Variants in KRT83 observed in about 807,000 individuals in gnomAD.
KRT83 encodes keratin 83, also known as keratin, type II cuticular Hb3.
A neutral mutation model predicts 52.9 loss-of-function variants in KRT83; 51 were observed. The ratio of observed to expected loss-of-function variants is 0.96; its 90% confidence interval spans 0.77 to 1.22. The LOEUF (loss-of-function observed/expected upper bound fraction) is 1.22, where lower values mean the gene tolerates loss of function less well. KRT83 is among the 50% of genes most tolerant of loss of function. The pLI is 0.00. For synonymous variants in KRT83, 278 were observed against 274.1 expected (o/e 1.01, Z -0.14); for missense variants, 654 against 666.5 (o/e 0.98, Z 0.21).
In KRT83 at chr12:52,314,386, C is replaced by A; in HGVS notation, c.*245G>T. 1.7e-6 allele frequency: 1 copy of A among 582,328 alleles called. No individual in the cohort carries two copies. Among genetic ancestry groups the A allele is most frequent in the Middle Eastern group, 4.7e-4 (1 of 2,134 alleles). 36.1% of individuals were successfully genotyped at this position (582,328 alleles called of 1,614,324 possible). A position where few individuals can be genotyped will look rare whatever the true frequency, so the allele number is the denominator to read the frequency against. ...TCTCACAGTGCTTCTTCCAGGGAAG[C>A]AAGGCCCTTCTCCCCGGGAGGGGCT... On this transcript the variant is annotated 3_prime_UTR_variant, in exon 9 of 9. Coordinates refer to ENST00000293670, the MANE Select transcript of KRT83 (RefSeq NM_002282.3).
At chr12:52,320,825 T>A in intron 1 of KRT83, 127 bp downstream of exon 1, 1 of 1,580,008 alleles carries the variant, frequency 6.3e-7, no homozygotes, top group Admixed American at 1.7e-5. Context: ...GAAGTATGAC[T>A]ACCTTTCCCT....
chr12:52,320,999 CCTT>C lies in KRT83; in HGVS notation c.334_336del (p.Lys112del), dbSNP rs1565756685. On this transcript the variant is annotated inframe_deletion, in exon 1 of 9. Transcript: ENST00000293670. The stretch of plus-strand genomic sequence containing the variant: ...CTGCTGTTGAGGGACTTGATCTGCT[CCTT>C]CTCCTCCTGCTTCACGCACTGCGCG... 1.2e-6 allele frequency: 2 copies of C among 1,613,648 alleles called. No homozygotes were observed. The highest frequency in any genetic ancestry group is 1.7e-6 in the Non-Finnish European group (2 of 1,179,882).
intron 6 of KRT83, 113 bp downstream of exon 6, chr12:52,316,355 T>G (rs2121339526): frequency 6.8e-7 from 1 of 1,472,638 alleles, no homozygotes; most frequent in East Asian, 2.3e-5. Flanking sequence ...CATCTTACTC[T>G]GTCACCCATG....
rs2857672 is a variant in KRT83, at chr12:52,314,493, G to A, written c.*138C>T. 299,442 of 813,116 alleles carry A rather than the reference G, an allele frequency of 0.37. 56,954 individuals carry two copies. The highest frequency in any genetic ancestry group is 0.47 in the African/African-American group (27,567 of 58,772). The allele number at this position is 813,116 out of a possible 1,614,324, so 50.4% of individuals were successfully genotyped here. A position where few individuals can be genotyped will look rare whatever the true frequency, so the allele number is the denominator to read the frequency against. On this transcript the variant is annotated 3_prime_UTR_variant, in exon 9 of 9. Transcript: ENST00000293670. ...GTGGGATGAAAGGTGGGGAGGAGCC[G>A]CTGGTGGGAATGAGCCGATGGTGTA... is the stretch of plus-strand genomic sequence containing the variant.
intron 2 of KRT83, 93 bp from the exon 3 acceptor site, chr12:52,318,063 C>G (rs1938714316): frequency 2.6e-6 from 3 of 1,153,474 alleles, no homozygotes; most frequent in Non-Finnish European, 3.9e-6. Context: ...CTAGACCTCC[C>G]CCTGCTTGTC....
rs778313644 is a variant in KRT83, at chr12:52,316,898, G to C, written c.876C>G (p.Thr292=). 3 of 1,614,136 alleles carry C rather than the reference G, an allele frequency of 1.9e-6. No individual in the cohort carries two copies. The Admixed American group carries it at 5.0e-5, about 27-fold the overall frequency. The change falls in exon 5 of 9, where the codon ACC becomes ACG. Residue 292 remains threonine, a synonymous_variant. Coordinates refer to ENST00000293670, the MANE Select transcript of KRT83 (RefSeq NM_002282.3). ...EIKAQYDDIA[T]RSRAEAESWY... is the part of the protein sequence containing the mutation. ...AGGACTCGGCCTCAGCCCGGCTACG[G>C]GTGGCAATGTCATCATACTGTGCCT...
Position 52,314,733 on chromosome 12 carries a change from G to A in KRT83, c.1380C>T (p.Ala460=), listed in dbSNP as rs145323146. The A allele has an allele frequency of 1.2e-4, 197 of 1,594,028 alleles. No individual in the cohort carries two copies. The African/African-American group carries it at 2.1e-3, about 17-fold the overall frequency. The change falls in exon 9 of 9, where the codon GCC becomes GCT. Residue 460 remains alanine, a synonymous_variant. Transcript: ENST00000293670. ...TCACCACCAGGTTCCCGTTGCAGGG[G>A]GCACTGCAGACGCTGCCCGTCACCG... ...SRPVTGSVCS[A]PCNGNLVVST... is the part of the protein sequence containing the mutation.
intron 8 of KRT83, 74 bp from the exon 9 acceptor site, chr12:52,314,892 C>T: frequency 7.1e-7 from 1 of 1,409,650 alleles, no homozygotes; most frequent in Non-Finnish European, 9.8e-7. Flanking sequence ...TTTGGTCTGT[C>T]TGATGTGTCG....
rs534990362 is a variant in KRT83, at chr12:52,316,587, C to T, written c.922G>A (p.Glu308Lys). Residue 308 changes from glutamate to lysine, a missense_variant, in exon 6 of 9, where the codon GAG becomes AAG. Coordinates refer to ENST00000293670, the MANE Select transcript of KRT83 (RefSeq NM_002282.3). ...TGCCTGATCACTGTGGCCTTCATCT[C>T]CTCACACTGCAGGAAGCAGAGATGT... ...AESWYRSKCEEMKATVIRHGE... is the reference protein window; with the variant it reads ...AESWYRSKCEKMKATVIRHGE... 1 of 1,614,170 alleles carries T rather than the reference C, an allele frequency of 6.2e-7. No individual in the cohort carries two copies. Among genetic ancestry groups the T allele is most frequent in the South Asian group, 1.1e-5 (1 of 91,078 alleles).
chr12:52,319,367 G>A lies in KRT83; in HGVS notation c.385-3C>T, dbSNP rs199634762. The A allele has an allele frequency of 8.1e-6, 13 of 1,614,018 alleles. No homozygotes were observed. In the African/African-American group the frequency reaches 1.1e-4, roughly 13 times the overall value. On this transcript the variant is annotated splice_region_variant and splice_polypyrimidine_tract_variant and intron_variant, in intron 1 of 8. Transcript: ENST00000293670. ...TTCTGCTGCTCCAGGAAGCGCACCT[G>A]CCACCCAGAGGCAGAGCCTAAGAAC...
At chr12:52,320,848 C>A in intron 1 of KRT83, 104 bp downstream of exon 1, 1 of 1,609,712 alleles carries the variant, frequency 6.2e-7, no homozygotes, top group Non-Finnish European at 8.5e-7. Flanking sequence ...GGCCTGGGAA[C>A]TTCTGTGGGC....
intron 4 of KRT83, 69 bp from the exon 5 acceptor site, chr12:52,317,092 A>T: frequency 1.2e-6 from 2 of 1,606,122 alleles, no homozygotes; most frequent in Non-Finnish European, 1.7e-6. Flanking sequence ...GATGCCTATC[A>T]TCCTTTTGGC....
intron 2 of KRT83, 142 bp from the exon 3 acceptor site, chr12:52,318,112 C>A (rs946472829): frequency 1.3e-6 from 1 of 785,220 alleles, no homozygotes; most frequent in East Asian, 2.5e-5. Context: ...TCTGCAGGAA[C>A]CAGGCTGCTG....
At chr12:52,316,283 CACCA>C (rs1938685866) in intron 6 of KRT83, among the ~76,000 whole-genome samples, 170 bp from the exon 7 acceptor site, 1 of 150,732 alleles carries the variant, frequency 6.6e-6, no homozygotes, top group African/African-American at 2.4e-5. Context: ...CACACACACA[CACCA>C]CACAGATACA....
chr12:52,315,225 T>C (rs1359694606), intron 8 of KRT83, 87 bp downstream of exon 8: 29 of 1,355,216 alleles, frequency 2.1e-5, no homozygotes, highest in Non-Finnish European at 3.1e-5. Flanking sequence ...TTGGAAACAC[T>C]CCTCCCAAAG....
At position 52,315,338 on chromosome 12, in the gene KRT83, C is replaced by G. The variant is rs148757217; in HGVS notation, c.1268G>C (p.Cys423Ser). 2.8e-3 allele frequency: 4,555 copies of G among 1,613,836 alleles called. 11 individuals carry two copies. The highest frequency in any genetic ancestry group is 3.3e-3 in the Non-Finnish European group (3,892 of 1,179,768). The change falls in exon 8 of 9, where the codon TGT becomes TCT. Residue 423 changes from cysteine to serine, a missense_variant. By Grantham distance (112) the Cys-to-Ser change is moderately radical. Transcript: ENST00000293670. ...GACATTCACAGCTTCAACACCTTCACACAGCCTGAGTGGGGAAAAAGTAAG... is the reference window on the plus strand; with the variant it reads ...GACATTCACAGCTTCAACACCTTCAGACAGCCTGAGTGGGGAAAAAGTAAG... ...RLLEGEEQRL[C>S]EGVEAVNVCV...
intron 1 of KRT83, among the ~76,000 whole-genome samples, chr12:52,320,741 T>C (rs558120578): frequency 6.6e-6 from 1 of 152,296 alleles, no homozygotes; most frequent in East Asian, 1.9e-4. Context: ...CGTTCTGCTT[T>C]TGTGTTTTCA....
chr12:52,320,816 A>G, intron 1 of KRT83, 136 bp downstream of exon 1: 3 of 1,554,368 alleles, frequency 1.9e-6, no homozygotes, highest in Non-Finnish European at 2.7e-6. Flanking sequence ...TGTGTCCTAG[A>G]AGTATGACTA....
rs1565756105 is a variant in KRT83, at chr12:52,319,163, T to G, written c.586A>C (p.Lys196Gln). 6.2e-7 allele frequency: 1 copy of G among 1,613,316 alleles called. No homozygotes were observed. The highest frequency in any genetic ancestry group is 1.7e-5 in the Admixed American group (1 of 60,018). The change falls in exon 2 of 9, where the codon AAG becomes CAG. Residue 196 changes from lysine to glutamine, a missense_variant. By Grantham distance (53) the Lys-to-Gln change is moderately conservative. Transcript: ENST00000293670. ...CCTCCTGCCCACACTCACTTCTTCT[T>G]GTAGCCCTCCAGCACCTCCTGCACG... Reference protein sequence around the residue: ...NHVQEVLEGYKKKYEEEVALR... With the variant: ...NHVQEVLEGYQKKYEEEVALR...
Sources: allele counts gnomAD v4.1 joint callset (sites outside exome capture counted in the v4.1 genomes callset), GRCh38; gene constraint gnomAD v4.1.1; transcripts MANE v1.5; gene names NCBI Gene and HGNC (gene_info 2026-07-23, HGNC 2026-07-21).